Variants in ZNF33B observed in about 807,000 individuals in gnomAD.
ZNF33B encodes the protein zinc finger protein 33B.
A neutral mutation model predicts 45.8 loss-of-function variants in ZNF33B; 29 were observed. That is an observed-to-expected ratio of 0.63 (90% CI 0.47 to 0.86). ZNF33B has a LOEUF of 0.86. Among genes scored for constraint, ZNF33B ranks in the 40% least tolerant of loss-of-function variants. ZNF33B has a pLI of 0.00. For missense variants in ZNF33B, 831 were observed against 909.9 expected (o/e 0.91, Z 1.12); for synonymous variants, 305 against 307.8 (o/e 0.99, Z 0.10).
At chr10:42,636,511 T>C (rs1352586469) in intron 2 of ZNF33B, among the ~76,000 whole-genome samples, 1 of 152,170 alleles carries the variant, frequency 6.6e-6, no homozygotes, top group African/African-American at 2.4e-5. Flanking sequence ...TATCTATTAC[T>C]AATTTCTCAT....
chr10:42,582,775 T>C (rs1836851159), intron 1 of ZNF33B: 1 of 200,984 alleles, frequency 5.0e-6, no homozygotes, highest in African/African-American at 2.3e-5. Context: ...GGCTGCAGTG[T>C]GGACGCTCCT....
intron 4 of ZNF33B, among the ~76,000 whole-genome samples, chr10:42,600,051 T>A (rs1166017703): frequency 2.0e-5 from 3 of 152,078 alleles, no homozygotes; most frequent in African/African-American, 7.2e-5. Context: ...TGGGAGAAAA[T>A]ACTCTATATG....
intron 2 of ZNF33B, 127 bp downstream of exon 2, chr10:42,636,793 G>A (rs535572894): frequency 1.0e-5 from 14 of 1,342,260 alleles, no homozygotes; most frequent in South Asian, 5.1e-5. Flanking sequence ...GAGACACTGC[G>A]CTCCAGCCTG....
At chr10:42,604,006 C>A (rs114813955) in intron 4 of ZNF33B, among the ~76,000 whole-genome samples, 2,585 of 152,262 alleles carry the variant, frequency 0.017, 79 homozygotes, top group African/African-American at 0.059. Flanking sequence ...GTATTCTCTA[C>A]AATGTCTATT....
chr10:42,619,191 A>G (rs1838464383), intron 4 of ZNF33B, among the ~76,000 whole-genome samples: 1 of 152,138 alleles, frequency 6.6e-6, no homozygotes. Flanking sequence ...TTAAAGGTTT[A>G]CAGTAACCAA....
At chr10:42,616,332 G>A (rs111520173) in intron 4 of ZNF33B, among the ~76,000 whole-genome samples, 1 of 152,278 alleles carries the variant, frequency 6.6e-6, no homozygotes, top group African/African-American at 2.4e-5. Context: ...AGTACAGTAT[G>A]TGAATTATAT....
intron 4 of ZNF33B, among the ~76,000 whole-genome samples, chr10:42,612,893 T>C (rs1838160741): frequency 6.6e-6 from 1 of 152,236 alleles, no homozygotes; most frequent in South Asian, 2.1e-4. Flanking sequence ...TTAACTGATA[T>C]TGGTCCATTT....
At chr10:42,586,427 G>A (rs147953083), downstream of ZNF33B, among the ~76,000 whole-genome samples, 31 of 151,372 alleles carry the variant, frequency 2.0e-4, no homozygotes, top group South Asian at 4.6e-3. Flanking sequence ...GGGATTACAG[G>A]CATGAGCCAC....
chr10:42,634,665 AT>A (rs1335403068), intron 2 of ZNF33B, among the ~76,000 whole-genome samples: 2 of 152,234 alleles, frequency 1.3e-5, no homozygotes, highest in Non-Finnish European at 2.9e-5. Flanking sequence ...ATTGATGAAA[AT>A]ATCACAATGT....
chr10:42,610,452 C>T (rs1339967558), intron 4 of ZNF33B, among the ~76,000 whole-genome samples: 1 of 152,276 alleles, frequency 6.6e-6, no homozygotes, highest in South Asian at 2.1e-4. Context: ...ACAGCAGAAT[C>T]GCTTGAATCC....
intron 4 of ZNF33B, among the ~76,000 whole-genome samples, chr10:42,595,231 GAGAGGA>G: frequency 6.6e-6 from 1 of 152,300 alleles, no homozygotes; most frequent in Admixed American, 6.5e-5. Context: ...AGACAGCCCA[GAGAGGA>G]TGAAACACAA....
chr10:42,600,060 TG>T (rs1837556230), intron 4 of ZNF33B, among the ~76,000 whole-genome samples: 1 of 152,146 alleles, frequency 6.6e-6, no homozygotes, highest in Non-Finnish European at 1.5e-5. Flanking sequence ...ATACTCTATA[TG>T]ACTTCAATCC....
chr10:42,605,401 C>T (rs1286123122), intron 4 of ZNF33B: 1 of 151,620 alleles, frequency 6.6e-6, no homozygotes, highest in East Asian at 1.9e-4. Flanking sequence ...TCTTCAGAGA[C>T]AGTAGAGGCC....
chr10:42,602,706 A>C (rs1299003182), intron 4 of ZNF33B, among the ~76,000 whole-genome samples: 2 of 152,068 alleles, frequency 1.3e-5, no homozygotes, highest in Non-Finnish European at 2.9e-5. Context: ...CGGAGAAAAG[A>C]CCTTTCTGAA....
At chr10:42,604,291 A>G (rs1196178902) in intron 4 of ZNF33B, among the ~76,000 whole-genome samples, 3 of 152,118 alleles carry the variant, frequency 2.0e-5, no homozygotes, top group Non-Finnish European at 1.5e-5. Flanking sequence ...CTAAAAATAC[A>G]AAAATTAGCT....
chr10:42,624,139 T>C (rs1386036411), intron 4 of ZNF33B, among the ~76,000 whole-genome samples: 1 of 152,054 alleles, frequency 6.6e-6, no homozygotes, highest in Admixed American at 6.6e-5. Context: ...GTGAGGAAGC[T>C]CTCACTTCCT....
chr10:42,595,335 T>A (rs1147918), intron 4 of ZNF33B, among the ~76,000 whole-genome samples: 1 of 152,020 alleles, frequency 6.6e-6, no homozygotes, highest in Non-Finnish European at 1.5e-5. Flanking sequence ...CTCAGGCTAC[T>A]GGGAAATCCA....
chr10:42,615,789 GTGGTGC>G (rs1309175312), intron 4 of ZNF33B, among the ~76,000 whole-genome samples: 1 of 152,020 alleles, frequency 6.6e-6, no homozygotes. Flanking sequence ...TCTGGGCATA[GTGGTGC>G]ATGCCTGCAA....
intron 1 of ZNF33B, 21 bp from the exon 2 acceptor site, chr10:42,636,993 T>C (rs1156630155): frequency 1.2e-6 from 2 of 1,612,756 alleles, no homozygotes; most frequent in Non-Finnish European, 1.7e-6. Flanking sequence ...AAAAGAGGAA[T>C]GGGGTCATGA....
Sources: gnomAD v4.1 joint callset for allele counts (sites outside exome capture counted in the v4.1 genomes callset) on GRCh38, gnomAD v4.1.1 for gene constraint, MANE v1.5 for transcripts, NCBI Gene and HGNC (gene_info 2026-07-23, HGNC 2026-07-21) for gene names.